The following CBL variants were observed in gnomAD, a reference collection of about 807,000 sequenced individuals.
The protein encoded by CBL is Cbl proto-oncogene, also known as E3 ubiquitin-protein ligase CBL.
In CBL, 45 loss-of-function variants were observed where a neutral mutation model predicts 96.9. That is an observed-to-expected ratio of 0.46 (90% CI 0.37 to 0.60). The LOEUF (loss-of-function observed/expected upper bound fraction) is 0.60, where lower values mean the gene tolerates loss of function less well. Ranked by LOEUF, CBL falls within the 20% of genes least tolerant of loss-of-function variation. The probability of loss-of-function intolerance (pLI) is 0.00; values close to 1 mark genes in which losing one functional copy is unlikely to be tolerated. For synonymous variants in CBL, 420 were observed against 426.8 expected, an observed-to-expected ratio of 0.98 and a Z score of 0.20; for missense variants, 1,024 against 1,143.5, an observed-to-expected ratio of 0.90 and a Z score of 1.51.
chr11:119,269,104 A>G (rs1053425485), intron 2 of CBL, among the ~76,000 whole-genome samples: 2 of 152,102 alleles, frequency 1.3e-5, no homozygotes, highest in Non-Finnish European at 2.9e-5. Flanking sequence ...CACGTTACCT[A>G]TTTCATATTC....
intron 14 of CBL, among the ~76,000 whole-genome samples, chr11:119,297,951 T>C (rs1950075060): frequency 6.6e-6 from 1 of 152,154 alleles, no homozygotes; most frequent in Non-Finnish European, 1.5e-5. Context: ...GAAATTCTTT[T>C]ATGTGGGGGT....
At chr11:119,233,927 C>T (rs139369149) in intron 2 of CBL, among the ~76,000 whole-genome samples, 5 of 152,254 alleles carry the variant, frequency 3.3e-5, no homozygotes, top group East Asian at 1.9e-4. Flanking sequence ...TCCATATTAC[C>T]GTTATTGCAA....
intron 2 of CBL, among the ~76,000 whole-genome samples, chr11:119,250,571 G>A (rs1198816734): frequency 1.3e-5 from 2 of 152,146 alleles, no homozygotes; most frequent in Admixed American, 1.3e-4. Flanking sequence ...AACTCTCCAG[G>A]CAGTAAGTTA....
chr11:119,300,661 C>T lies in CBL; in HGVS notation c.*880C>T, dbSNP rs1950095428. The T allele has an allele frequency of 2.5e-6, 1 of 398,546 alleles. No homozygotes were observed. The highest frequency in any genetic ancestry group is 4.4e-6 in the Non-Finnish European group (1 of 225,984). 24.7% of individuals were successfully genotyped at this position (398,546 alleles called of 1,614,324 possible). On this transcript the variant is annotated 3_prime_UTR_variant, in exon 16 of 16. Coordinates refer to ENST00000264033, the MANE Select transcript of CBL (RefSeq NM_005188.4). Reference sequence around the variant, plus strand: ...TAAGATGTTTTGATTATCCTAATTACATAATGACCGATTTGAGATAGAGGC... The same window carrying T: ...TAAGATGTTTTGATTATCCTAATTATATAATGACCGATTTGAGATAGAGGC...
chr11:119,214,275 C>G (rs1021732538), intron 1 of CBL, among the ~76,000 whole-genome samples: 3 of 150,946 alleles, frequency 2.0e-5, no homozygotes, highest in African/African-American at 7.3e-5. Flanking sequence ...GAGTCTCGCT[C>G]TGTCACCCAG....
At chr11:119,268,951 C>G (rs768153975) in intron 2 of CBL, among the ~76,000 whole-genome samples, 7 of 152,182 alleles carry the variant, frequency 4.6e-5, no homozygotes, top group Non-Finnish European at 8.8e-5. Context: ...TCTCAATAAT[C>G]TAGTTTAGGG....
chr11:119,240,296 A>G (rs1237505268), intron 2 of CBL, among the ~76,000 whole-genome samples: 2 of 151,798 alleles, frequency 1.3e-5, no homozygotes, highest in African/African-American at 2.4e-5. Context: ...ACTGTTACCA[A>G]TTAAAAAAAA....
chr11:119,208,538 C>T (rs994929309), intron 1 of CBL, among the ~76,000 whole-genome samples: 10 of 151,984 alleles, frequency 6.6e-5, no homozygotes, highest in African/African-American at 4.8e-5. Context: ...TACAGGTGCG[C>T]GCCACCACGC....
chr11:119,264,442 T>TCTTCTCTTCTCTTCTCTTCTTTCTC (rs5795173), intron 2 of CBL, among the ~76,000 whole-genome samples: 34 of 44,394 alleles, frequency 7.7e-4, no homozygotes, highest in African/African-American at 1.4e-3. Flanking sequence ...TCTTCTCTTC[T>TCTTCTCTTCTCTTCTCTTCTTTCTC]TTCTCTTCTC....
chr11:119,237,331 T>C lies in CBL; in HGVS notation c.443+4636T>C, dbSNP rs941700147. 2.6e-5 allele frequency among the ~76,000 whole-genome samples: 4 copies of C among 152,248 alleles called. No individual in the cohort carries two copies. The East Asian group carries it at 5.8e-4, about 22-fold the overall frequency. On this transcript the variant is annotated intron_variant, in intron 2 of 15. Transcript: ENST00000264033. Reference sequence around the variant, plus strand: ...TATTCTGGATGCTAGACCAGATACATGATTTGCAAAACTTTACTCCCATTC... The same window carrying C: ...TATTCTGGATGCTAGACCAGATACACGATTTGCAAAACTTTACTCCCATTC...
Position 119,278,527 on chromosome 11 carries a change from C to G in CBL, c.1245C>G (p.Gly415=), listed in dbSNP as rs751199195. 26 of 1,613,982 alleles carry G rather than the reference C, an allele frequency of 1.6e-5. No homozygotes were observed. Among genetic ancestry groups the G allele is most frequent in the Admixed American group, 8.3e-5 (5 of 59,996 alleles). ...LTSWQESEGQ[G]CPFCRCEIKG... ...TTCTGCAGGAATCAGAAGGTCAGGG[C>G]TGTCCTTTCTGCCGATGTGAAATTA... Residue 415 remains glycine, a synonymous_variant, in exon 9 of 16, where the codon GGC becomes GGG. Coordinates refer to ENST00000264033, the MANE Select transcript of CBL (RefSeq NM_005188.4).
intron 12 of CBL, among the ~76,000 whole-genome samples, chr11:119,294,598 C>T (rs552176670): frequency 1.3e-5 from 2 of 151,970 alleles, no homozygotes; most frequent in East Asian, 3.9e-4. Context: ...CGAGACCATC[C>T]TGGCCAATAT....
Position 119,303,899 on chromosome 11 carries a change from A to G in CBL, c.*4118A>G, listed in dbSNP as rs192175025. On this transcript the variant is annotated 3_prime_UTR_variant, in exon 16 of 16. Transcript: ENST00000264033. The stretch of plus-strand genomic sequence containing the variant: ...TTGGGAGGATTTTCGTATCACCCTT[A>G]TGGGACCTGTCACCATGTCCTGTAC... 1.9e-3 allele frequency: 454 copies of G among 233,532 alleles called. 2 individuals are homozygous for G. Among genetic ancestry groups the G allele is most frequent in the South Asian group, 0.012 (67 of 5,526 alleles). 14.5% of individuals were successfully genotyped at this position (233,532 alleles called of 1,614,324 possible). A position where few individuals can be genotyped will look rare whatever the true frequency, so the allele number is the denominator to read the frequency against.
intron 2 of CBL, among the ~76,000 whole-genome samples, chr11:119,259,294 T>G (rs1949734292): frequency 6.6e-6 from 1 of 152,186 alleles, no homozygotes. Flanking sequence ...CTAATTGCTG[T>G]GCCTGGGTAA....
intron 5 of CBL, among the ~76,000 whole-genome samples, chr11:119,275,509 G>GT (rs919749713): frequency 3.9e-5 from 6 of 152,250 alleles, no homozygotes; most frequent in South Asian, 2.1e-4. Flanking sequence ...CATGGAAGAA[G>GT]TTACTCTCTT....
At chr11:119,273,673 C>T (rs2135298550) in intron 3 of CBL, among the ~76,000 whole-genome samples, 195 bp from the exon 4 acceptor site, 1 of 152,290 alleles carries the variant, frequency 6.6e-6, no homozygotes, top group South Asian at 2.1e-4. Flanking sequence ...AAGTGCTGGG[C>T]CTCCCAAAGG....
At chr11:119,285,729 C>T (rs1382883530) in intron 11 of CBL, among the ~76,000 whole-genome samples, 163 bp downstream of exon 11, 2 of 152,058 alleles carry the variant, frequency 1.3e-5, no homozygotes, top group Non-Finnish European at 2.9e-5. Flanking sequence ...AACCCTGTCT[C>T]TACAAAAATT....
chr11:119,218,384 G>A (rs1949380479), intron 1 of CBL, among the ~76,000 whole-genome samples: 1 of 152,148 alleles, frequency 6.6e-6, no homozygotes, highest in African/African-American at 2.4e-5. Flanking sequence ...CCACAATTGT[G>A]TCTTAATTAG....
At chr11:119,265,085 T>G (rs1284030781) in intron 2 of CBL, among the ~76,000 whole-genome samples, 1 of 152,030 alleles carries the variant, frequency 6.6e-6, no homozygotes, top group Non-Finnish European at 1.5e-5. Context: ...CTCACTATAT[T>G]GCCCAGGCTG....
Sources: gnomAD v4.1 joint callset for allele counts (sites outside exome capture counted in the v4.1 genomes callset) on GRCh38, gnomAD v4.1.1 for gene constraint, MANE v1.5 for transcripts, NCBI Gene and HGNC (gene_info 2026-07-23, HGNC 2026-07-21) for gene names.